The following NCK1 variants were observed in gnomAD, a reference collection of about 807,000 sequenced individuals.
The protein encoded by NCK1 is NCK adaptor protein 1.
In NCK1, 19 loss-of-function variants were observed where a neutral mutation model predicts 36.6. That is an observed-to-expected ratio of 0.52 (90% CI 0.36 to 0.76). The LOEUF (loss-of-function observed/expected upper bound fraction) is 0.76, where lower values mean the gene tolerates loss of function less well. NCK1 is among the 30% of genes least tolerant of loss of function. NCK1 has a pLI of 0.00. For missense variants in NCK1, 358 were observed against 445.6 expected (o/e 0.80, Z 1.77); for synonymous variants, 165 against 156.0 (o/e 1.06, Z -0.43).
intron 1 of NCK1, among the ~76,000 whole-genome samples, chr3:136,865,766 A>G (rs1938394580): frequency 1.3e-5 from 2 of 152,252 alleles, no homozygotes. Context: ...TGACATTTAA[A>G]GATTTAAGGA....
At chr3:136,890,981 A>G (rs1161659601) in intron 1 of NCK1, among the ~76,000 whole-genome samples, 2 of 152,246 alleles carry the variant, frequency 1.3e-5, no homozygotes, top group Non-Finnish European at 2.9e-5. Flanking sequence ...GAAATAAATC[A>G]TACAATATTT....
chr3:136,865,203 G>T (rs1367881389), intron 1 of NCK1, among the ~76,000 whole-genome samples: 1 of 151,992 alleles, frequency 6.6e-6, no homozygotes, highest in African/African-American at 2.4e-5. Flanking sequence ...TGATCCACCT[G>T]CCTCGGCCTC....
intron 1 of NCK1, among the ~76,000 whole-genome samples, chr3:136,918,317 C>T (rs1407042162): frequency 6.6e-6 from 1 of 151,576 alleles, no homozygotes; most frequent in Non-Finnish European, 1.5e-5. Flanking sequence ...ACAGATTCAA[C>T]CAACCACAGG....
At chr3:136,877,481 A>G (rs1938806613) in intron 1 of NCK1, among the ~76,000 whole-genome samples, 1 of 152,218 alleles carries the variant, frequency 6.6e-6, no homozygotes, top group South Asian at 2.1e-4. Context: ...CCATGCTTAG[A>G]GGAAGAGTTA....
chr3:136,931,642 T>C (rs570983656), intron 2 of NCK1, among the ~76,000 whole-genome samples: 61 of 152,314 alleles, frequency 4.0e-4, no homozygotes, highest in Non-Finnish European at 6.6e-4. Context: ...ATCAACACAT[T>C]CTTATTGAGA....
intron 1 of NCK1, among the ~76,000 whole-genome samples, chr3:136,919,431 A>G (rs533046623): frequency 1.3e-5 from 2 of 152,252 alleles, no homozygotes; most frequent in African/African-American, 4.8e-5. Flanking sequence ...AGTTTTGTAG[A>G]TCTTACAAAT....
chr3:136,902,198 T>TTTTG (rs147056339), intron 1 of NCK1, among the ~76,000 whole-genome samples: 1,594 of 131,474 alleles, frequency 0.012, 20 homozygotes, highest in East Asian at 0.058. Context: ...TTTTTTTTTT[T>TTTTG]TTTTGTTTTT....
chr3:136,936,848 AG>A (rs1462646104), intron 2 of NCK1, among the ~76,000 whole-genome samples: 1 of 152,070 alleles, frequency 6.6e-6, no homozygotes, highest in East Asian at 1.9e-4. Context: ...GGGTTCTAAG[AG>A]TTGTTTATAT....
chr3:136,946,808 AT>A (rs1251443919), intron 3 of NCK1: 2 of 152,656 alleles, frequency 1.3e-5, no homozygotes, highest in Non-Finnish European at 2.9e-5. Flanking sequence ...CAAAAAACCT[AT>A]TTTAGCAGTG....
intron 1 of NCK1, among the ~76,000 whole-genome samples, chr3:136,863,993 C>T (rs1205209671): frequency 1.3e-5 from 2 of 151,668 alleles, no homozygotes; most frequent in Non-Finnish European, 2.9e-5. Context: ...CCCAGCTACT[C>T]GGGAGGCTGA....
Position 136,933,568 on chromosome 3 carries a change from C to CT in NCK1, c.226+5352dup, listed in dbSNP as rs528693362. On this transcript the variant is annotated intron_variant, in intron 2 of 3. Coordinates refer to ENST00000481752, the MANE Select transcript of NCK1 (RefSeq NM_001291999.2). ...GGAAAGATCAGAAATTATCTTTACA[C>CT]TTTTTTTTTTTAATTTAAGCAAAGC... 4.5e-3 allele frequency among the ~76,000 whole-genome samples: 658 copies of CT among 146,702 alleles called. 4 individuals carry two copies. The highest frequency in any genetic ancestry group is 7.3e-3 in the Non-Finnish European group (487 of 66,274).
rs151196955 is a variant in NCK1 at position 136,915,683 on chromosome 3, G to A, written c.-18-12301G>A. On this transcript the variant is annotated intron_variant, in intron 1 of 3. Coordinates refer to ENST00000481752, the MANE Select transcript of NCK1 (RefSeq NM_001291999.2). Reference sequence around the variant, plus strand: ...AGGCTGTATAGGAAGCATGGCCAGAGCAGAAGGAAGAGAGTGAAGGTGAAG... The same window carrying A: ...AGGCTGTATAGGAAGCATGGCCAGAACAGAAGGAAGAGAGTGAAGGTGAAG... Among the ~76,000 whole-genome samples the A allele has an allele frequency of 2.0e-3, 298 of 152,024 alleles. 2 individuals carry two copies. The highest frequency in any genetic ancestry group is 6.8e-3 in the African/African-American group (281 of 41,478).
At chr3:136,926,856 T>A (rs1205428317) in intron 1 of NCK1, among the ~76,000 whole-genome samples, 1 of 152,218 alleles carries the variant, frequency 6.6e-6, no homozygotes, top group Non-Finnish European at 1.5e-5. Context: ...ATTTGATTGC[T>A]TTTTGTATGT....
At chr3:136,900,403 G>T (rs1939512116) in intron 1 of NCK1, among the ~76,000 whole-genome samples, 1 of 152,048 alleles carries the variant, frequency 6.6e-6, no homozygotes, top group African/African-American at 2.4e-5. Flanking sequence ...TGTTTTGGTT[G>T]TTTGGGCTCC....
At chr3:136,933,711 T>A (rs1249794097) in intron 2 of NCK1, among the ~76,000 whole-genome samples, 2 of 15,698 alleles carry the variant, frequency 1.3e-4, no homozygotes, top group Non-Finnish European at 3.2e-4. Flanking sequence ...TTAAGTAATC[T>A]TTTTTTTTTT....
At chr3:136,919,868 GT>G (rs1390816259) in intron 1 of NCK1, among the ~76,000 whole-genome samples, 1 of 152,080 alleles carries the variant, frequency 6.6e-6, no homozygotes, top group African/African-American at 2.4e-5. Flanking sequence ...GAAATCTCTT[GT>G]TCAGTTTTAG....
chr3:136,900,908 C>T (rs1164799208), intron 1 of NCK1, among the ~76,000 whole-genome samples: 1 of 151,792 alleles, frequency 6.6e-6, no homozygotes, highest in Non-Finnish European at 1.5e-5. Flanking sequence ...TCTTTTTTTC[C>T]CTCTTGCCTG....
At chr3:136,938,428 T>C (rs1940590277) in intron 2 of NCK1, among the ~76,000 whole-genome samples, 1 of 152,196 alleles carries the variant, frequency 6.6e-6, no homozygotes, top group African/African-American at 2.4e-5. Flanking sequence ...ATGTGAGTCA[T>C]CTGATGTGCA....
intron 1 of NCK1, among the ~76,000 whole-genome samples, chr3:136,866,698 C>T (rs886519280): frequency 1.3e-5 from 2 of 151,888 alleles, no homozygotes; most frequent in African/African-American, 4.8e-5. Flanking sequence ...ACTGCAACCT[C>T]CGTCTCCTTG....
Sources: gnomAD v4.1 joint callset for allele counts (sites outside exome capture counted in the v4.1 genomes callset) on GRCh38, gnomAD v4.1.1 for gene constraint, MANE v1.5 for transcripts, NCBI Gene and HGNC (gene_info 2026-07-23, HGNC 2026-07-21) for gene names.